The following UNC79 variants were observed in gnomAD, a reference collection of about 807,000 sequenced individuals.
UNC79 encodes the protein protein unc-79 homolog.
UNC79 carries 37 observed loss-of-function variants against 283.1 expected under a neutral mutation model. That is an observed-to-expected ratio of 0.13 (90% confidence interval 0.10 to 0.17). The LOEUF is 0.17. Ranked by LOEUF, UNC79 falls within the 10% of genes least tolerant of loss-of-function variation. The pLI, the probability that UNC79 is intolerant of heterozygous loss-of-function variation, is 1.00. For missense variants in UNC79, 2,272 were observed against 3,211.1 expected (o/e 0.71, Z 7.07); for synonymous variants, 1,107 against 1,200.2 (o/e 0.92, Z 1.61).
upstream of UNC79, among the ~76,000 whole-genome samples, chr14:93,429,504 T>C (rs970062996): frequency 2.0e-5 from 3 of 152,218 alleles, no homozygotes; most frequent in Non-Finnish European, 4.4e-5. Context: ...TATTTGTAGA[T>C]TTTTTTATTT....
At chr14:93,625,338 A>G (rs933896552) in intron 30 of UNC79, among the ~76,000 whole-genome samples, 5 of 152,194 alleles carry the variant, frequency 3.3e-5, no homozygotes, top group African/African-American at 1.2e-4. Context: ...GCATTGCTGC[A>G]TCATCACGAA....
At chr14:93,662,609 G>C in exon 40 of UNC79, 1 of 1,605,984 alleles carries the variant, frequency 6.2e-7, no homozygotes, top group Non-Finnish European at 8.5e-7. Flanking sequence ...TGCAGAGTTT[G>C]TTGGAACCAT....
intron 1 of UNC79, among the ~76,000 whole-genome samples, chr14:93,360,979 C>T (rs1432991219): frequency 6.6e-6 from 1 of 151,936 alleles, no homozygotes; most frequent in Non-Finnish European, 1.5e-5. Context: ...TTTGGGAGGC[C>T]AAGGCAGGTG....
downstream of UNC79, chr14:93,706,916 G>A (rs758026751): frequency 1.1e-5 from 18 of 1,613,880 alleles, no homozygotes; most frequent in East Asian, 8.9e-5. Flanking sequence ...TGGACTCCTC[G>A]GCGCTCAGTG....
intron 14 of UNC79, among the ~76,000 whole-genome samples, chr14:93,551,787 T>TTAC (rs2061915241): frequency 6.6e-6 from 1 of 152,222 alleles, no homozygotes; most frequent in Admixed American, 6.5e-5. Flanking sequence ...AGCCCCACCC[T>TTAC]TACTGTCTCA....
At chr14:93,418,814 G>T (rs1357995876) in intron 1 of UNC79, among the ~76,000 whole-genome samples, 1 of 151,824 alleles carries the variant, frequency 6.6e-6, no homozygotes, top group Non-Finnish European at 1.5e-5. Flanking sequence ...GTGGGCGTAG[G>T]ATCCTCCAAG....
At chr14:93,341,602 TACA>T (rs1566879101) in intron 1 of UNC79, among the ~76,000 whole-genome samples, 1 of 101,962 alleles carries the variant, frequency 9.8e-6, no homozygotes. Context: ...ACTCTGTCTC[TACA>T]AAAAAAAAAA....
At chr14:93,487,834 C>A in intron 5 of UNC79, 79 bp downstream of exon 5, 1 of 1,361,800 alleles carries the variant, frequency 7.3e-7, no homozygotes, top group Non-Finnish European at 1.0e-6. Context: ...GCTAGATGTT[C>A]TCATGTGAGA....
At chr14:93,536,782 C>CTTTTTT (rs35677025) in intron 11 of UNC79, among the ~76,000 whole-genome samples, 13 of 82,436 alleles carry the variant, frequency 1.6e-4, no homozygotes, top group East Asian at 4.5e-4. Context: ...CCACCCCCGG[C>CTTTTTT]TTTTTTTTTT....
Position 93,605,013 on chromosome 14 carries a change from A to C in UNC79, c.3754+1595A>C, listed in dbSNP as rs904755487. ...ATGTACAAGTGTCTATCACAGGTGGACAAGGTAGAGAATGCGGTGTCTCTA... is the reference window on the plus strand; with the variant it reads ...ATGTACAAGTGTCTATCACAGGTGGCCAAGGTAGAGAATGCGGTGTCTCTA... On this transcript the variant is annotated intron_variant, in intron 26 of 48. Transcript: ENST00000555664. 3.9e-6 allele frequency: 6 copies of C among 1,527,484 alleles called. No homozygotes were observed. The African/African-American group carries it at 8.2e-5, about 21-fold the overall frequency. The allele number at this position is 1,527,484 out of a possible 1,614,324, so 94.6% of individuals were successfully genotyped here.
chr14:93,346,490 A>G (rs1042642542), intron 1 of UNC79, among the ~76,000 whole-genome samples: 1 of 152,354 alleles, frequency 6.6e-6, no homozygotes, highest in African/African-American at 2.4e-5. Context: ...CTACAAAAAA[A>G]TAAGAAAATT....
chr14:93,627,591 C>T (rs1472219380), intron 30 of UNC79, among the ~76,000 whole-genome samples: 1 of 152,192 alleles, frequency 6.6e-6, no homozygotes, highest in Non-Finnish European at 1.5e-5. Flanking sequence ...GTTGCACAGG[C>T]ACTTTCCAAG....
At chr14:93,699,492 A>G (rs2141030183) in intron 47 of UNC79, among the ~76,000 whole-genome samples, 1 of 152,260 alleles carries the variant, frequency 6.6e-6, no homozygotes, top group South Asian at 2.1e-4. Flanking sequence ...TCAGATCAAA[A>G]TGTTAATTTC....
intron 7 of UNC79, among the ~76,000 whole-genome samples, chr14:93,513,172 T>TC (rs1243014464): frequency 7.2e-6 from 1 of 138,818 alleles, no homozygotes; most frequent in Non-Finnish European, 1.5e-5. Context: ...TTTTTGTTTT[T>TC]CCCTCCCTCC....
intron 40 of UNC79, among the ~76,000 whole-genome samples, chr14:93,664,666 T>C (rs1176363552): frequency 3.3e-5 from 5 of 152,196 alleles, no homozygotes; most frequent in African/African-American, 7.2e-5. Context: ...GGGAGAAAGA[T>C]TTATAGTCTC....
chr14:93,627,815 G>C (rs2067685166), intron 30 of UNC79, among the ~76,000 whole-genome samples: 1 of 152,126 alleles, frequency 6.6e-6, no homozygotes, highest in African/African-American at 2.4e-5. Flanking sequence ...AATATTATCT[G>C]TTGTTTATCT....
intron 16 of UNC79, among the ~76,000 whole-genome samples, chr14:93,573,891 G>A (rs1423649370): frequency 6.6e-6 from 1 of 152,174 alleles, no homozygotes; most frequent in East Asian, 1.9e-4. Context: ...TGTAGTCCCA[G>A]CTACTTGGGA....
At chr14:93,417,039 T>A (rs1481858840) in intron 1 of UNC79, among the ~76,000 whole-genome samples, 1 of 152,116 alleles carries the variant, frequency 6.6e-6, no homozygotes, top group Non-Finnish European at 1.5e-5. Flanking sequence ...TTAATATTGT[T>A]ATGTGTGAAT....
chr14:93,388,190 C>T (rs2054816257), intron 1 of UNC79, among the ~76,000 whole-genome samples: 1 of 151,998 alleles, frequency 6.6e-6, no homozygotes, highest in Admixed American at 6.6e-5. Flanking sequence ...TGGCTCATTA[C>T]AGCCTGGAAC....
Sources: gnomAD v4.1 joint callset for allele counts (sites outside exome capture counted in the v4.1 genomes callset) on GRCh38, gnomAD v4.1.1 for gene constraint, MANE v1.5 for transcripts, NCBI Gene and HGNC (gene_info 2026-07-23, HGNC 2026-07-21) for gene names.